The following CACNA1C variants were observed in gnomAD, a reference collection of about 807,000 sequenced individuals.
CACNA1C encodes the protein calcium voltage-gated channel subunit alpha1 C.
CACNA1C carries 30 observed loss-of-function variants against 229.0 expected under a neutral mutation model. The observed-to-expected ratio is 0.13, with a 90% CI of 0.10 to 0.18. The LOEUF is 0.18. Ranked by LOEUF, CACNA1C falls within the 10% of genes least tolerant of loss-of-function variation. The pLI, the probability that CACNA1C is intolerant of heterozygous loss-of-function variation, is 1.00. For synonymous variants in CACNA1C, 1,114 were observed against 1,132.5 expected, an observed-to-expected ratio of 0.98 and a Z score of 0.33; for missense variants, 1,658 against 2,845.0, an observed-to-expected ratio of 0.58 and a Z score of 9.49.
chr12:2,450,373 T>C (rs911141687), intron 4 of CACNA1C, among the ~76,000 whole-genome samples: 16 of 151,132 alleles, frequency 1.1e-4, no homozygotes, highest in Non-Finnish European at 2.2e-4. Context: ...GCTAACACGG[T>C]GAAACCCCGT....
chr12:2,605,711 G>A lies in CACNA1C; in HGVS notation c.3081G>A (p.Arg1027=), dbSNP rs746010296. The A allele has an allele frequency of 1.2e-5, 20 of 1,613,820 alleles. No homozygotes were observed. Among genetic ancestry groups the A allele is most frequent in the Admixed American group, 6.7e-5 (4 of 59,994 alleles). ...HVVQCVFVAI[R]TIGNIVIVTT... is the part of the protein sequence containing the mutation. ...TTCAGTGTGTGTTTGTCGCCATCCG[G>A]ACCATCGGGAACATCGTGATTGTCA... The change falls in exon 24 of 47, where the codon CGG becomes CGA. Residue 1027 remains arginine, a synonymous_variant. Transcript: ENST00000399655. The surrounding 1 kb of genome is among the most constrained non-coding windows in gnomAD (Gnocchi z 6.2).
intron 3 of CACNA1C, among the ~76,000 whole-genome samples, chr12:2,291,248 AAC>A (rs1442179520): frequency 6.6e-6 from 1 of 152,238 alleles, no homozygotes; most frequent in African/African-American, 2.4e-5. Context: ...TTGGAAATGG[AAC>A]AGTCTTTTAA....
At chr12:2,210,736 A>G (rs1389353686) in intron 3 of CACNA1C, among the ~76,000 whole-genome samples, 1 of 152,212 alleles carries the variant, frequency 6.6e-6, no homozygotes, top group Middle Eastern at 3.2e-3. Flanking sequence ...AAAAGCATTA[A>G]GTTAATTTTT....
intron 3 of CACNA1C, among the ~76,000 whole-genome samples, chr12:2,199,821 GC>G (rs1256370604): frequency 6.6e-6 from 1 of 152,142 alleles, no homozygotes; most frequent in African/African-American, 2.4e-5. Flanking sequence ...GGTGAAGGCT[GC>G]CGTGAGGCAG....
At chr12:2,019,694 A>C (rs924523972) in intron 1 of CACNA1C, among the ~76,000 whole-genome samples, 3 of 152,244 alleles carry the variant, frequency 2.0e-5, no homozygotes, top group Admixed American at 6.5e-5. Context: ...ACTGTTAACT[A>C]TAGCAATCAT....
At chr12:2,420,887 T>G (rs2098971617) in intron 3 of CACNA1C, among the ~76,000 whole-genome samples, 2 of 152,220 alleles carry the variant, frequency 1.3e-5, no homozygotes, top group African/African-American at 2.4e-5. Context: ...TGTGTGCAGT[T>G]CTGGAGCCCC....
chr12:2,227,824 TC>T (rs1235235773), intron 3 of CACNA1C, among the ~76,000 whole-genome samples: 2 of 152,234 alleles, frequency 1.3e-5, no homozygotes, highest in Non-Finnish European at 2.9e-5. Flanking sequence ...CACCATTTTT[TC>T]TTTCTCATTG....
intron 1 of CACNA1C, among the ~76,000 whole-genome samples, chr12:2,030,396 T>TTTG (rs2048027400): frequency 6.6e-6 from 1 of 151,982 alleles, no homozygotes; most frequent in Non-Finnish European, 1.5e-5. Context: ...TAGTTTTTTT[T>TTTG]TTTGTTTTAA....
At chr12:1,983,258 CTTTTT>C (rs922587191) in intron 1 of CACNA1C, among the ~76,000 whole-genome samples, 14 of 151,030 alleles carry the variant, frequency 9.3e-5, no homozygotes, top group African/African-American at 3.2e-4. Flanking sequence ...GATTTCTCTT[CTTTTT>C]ATTTCTTTCC....
intron 3 of CACNA1C, among the ~76,000 whole-genome samples, chr12:2,433,396 T>C (rs149842891): frequency 6.6e-6 from 1 of 152,084 alleles, no homozygotes; most frequent in African/African-American, 2.4e-5. Flanking sequence ...GCTAAGACAA[T>C]AGAAGCCCTG....
intron 3 of CACNA1C, among the ~76,000 whole-genome samples, chr12:2,246,113 A>C (rs1388107728): frequency 6.6e-6 from 1 of 152,164 alleles, no homozygotes; most frequent in Non-Finnish European, 1.5e-5. Context: ...GGGTGGCAGG[A>C]GGAAGGGCAA....
intron 3 of CACNA1C, among the ~76,000 whole-genome samples, chr12:2,439,150 T>C (rs925664021): frequency 2.6e-5 from 4 of 152,180 alleles, no homozygotes; most frequent in African/African-American, 9.7e-5. Flanking sequence ...AGTAGCCTTA[T>C]GAGGACCTGA....
At chr12:2,064,217 C>T (rs2058533926) in intron 1 of CACNA1C, among the ~76,000 whole-genome samples, 1 of 152,254 alleles carries the variant, frequency 6.6e-6, no homozygotes, top group African/African-American at 2.4e-5. Context: ...GCTTTCACCT[C>T]GTTGCTGACC....
In CACNA1C at chr12:2,679,542, C is replaced by G; in HGVS notation, c.5190C>G (p.Ile1730Met). 1 of 1,613,276 alleles carries G rather than the reference C, an allele frequency of 6.2e-7. No individual in the cohort carries two copies. Residue 1730 changes from isoleucine to methionine, a missense_variant, in exon 42 of 47, where the codon ATC becomes ATG. Coordinates refer to ENST00000399655, the MANE Select transcript of CACNA1C (RefSeq NM_000719.7). The surrounding 1 kb of genome is among the most constrained non-coding windows in gnomAD (Gnocchi z 5.5). The part of the protein sequence containing the change: ...QTFTTQRPLH[I>M]NKAGSSQGDT... Reference sequence around the variant, plus strand: ...TCACCACTCAGCGCCCGCTGCACATCAACAAGGCGGGCAGCAGCCAGGGCG... The same window carrying G: ...TCACCACTCAGCGCCCGCTGCACATGAACAAGGCGGGCAGCAGCCAGGGCG...
chr12:2,482,131 G>A (rs558798393), intron 5 of CACNA1C, among the ~76,000 whole-genome samples: 2 of 152,336 alleles, frequency 1.3e-5, no homozygotes, highest in African/African-American at 4.8e-5. Flanking sequence ...CTGGCCGCAC[G>A]CCTTCACAAG....
In CACNA1C at chr12:2,691,137, G is replaced by T; in HGVS notation, c.6355G>T (p.Ala2119Ser). 1 of 1,607,270 alleles carries T rather than the reference G, an allele frequency of 6.2e-7. No individual in the cohort carries two copies. Residue 2119 changes from alanine (A) to serine (S), a missense_variant, in exon 47 of 47, where the codon GCG (alanine) becomes TCG (serine). Ala to Ser is a moderately conservative substitution (Grantham distance 99). Coordinates refer to ENST00000399655, the MANE Select transcript of CACNA1C (RefSeq NM_000719.7). Reference protein sequence around the residue: ...GGEEDAGCVRARGRPSEEELQ... With the variant: ...GGEEDAGCVRSRGRPSEEELQ... ...CGAAGAGGACGCGGGCTGTGTGCGC[G>T]CGCGGGGTCGACCGAGTGAGGAGGA...
chr12:2,194,456 G>A lies in CACNA1C; in HGVS notation c.477+74026G>A, dbSNP rs959570001. ...CAGCCATATTACATAGCTTACTCAC[G>A]TTGACCTTGTGCTGCTGGTGAGCTT... On this transcript the variant is annotated intron_variant, in intron 3 of 46. Transcript: ENST00000399655. Among the ~76,000 whole-genome samples, 6 of 145,330 alleles carry A rather than the reference G, an allele frequency of 4.1e-5. No individual in the cohort carries two copies. In the Admixed American group the frequency reaches 4.4e-4, roughly 11 times the overall value.
At chr12:2,440,709 C>T (rs2099215337) in intron 3 of CACNA1C, among the ~76,000 whole-genome samples, 1 of 152,190 alleles carries the variant, frequency 6.6e-6, no homozygotes, top group South Asian at 2.1e-4. Context: ...AATGTCAGAC[C>T]AGCCATGGAG....
chr12:2,660,167 A>C (rs1448102841), intron 34 of CACNA1C: 1 of 152,422 alleles, frequency 6.6e-6, no homozygotes, highest in Non-Finnish European at 1.5e-5. Context: ...CTGCTACTGC[A>C]TACGGGGCAT....
Sources: allele counts gnomAD v4.1 joint callset (sites outside exome capture counted in the v4.1 genomes callset), GRCh38; gene constraint gnomAD v4.1.1; non-coding constraint Gnocchi (gnomAD v3.1); transcripts MANE v1.5; gene names NCBI Gene and HGNC (gene_info 2026-07-23, HGNC 2026-07-21).